The following MCM6 variants were observed in gnomAD, a reference collection of about 807,000 sequenced individuals.
MCM6 encodes DNA replication licensing factor MCM6.
MCM6 carries 46 observed loss-of-function variants against 94.3 expected under a neutral mutation model. The observed-to-expected ratio is 0.49, with a 90% CI of 0.39 to 0.62. The LOEUF is 0.62. Ranked by LOEUF, MCM6 falls within the 20% of genes least tolerant of loss-of-function variation. The pLI, the probability that MCM6 is intolerant of heterozygous loss-of-function variation, is 0.00. For synonymous variants in MCM6, 335 were observed against 351.9 expected (o/e 0.95, Z 0.54); for missense variants, 865 against 1,017.9 (o/e 0.85, Z 2.04).
At chr2:135,859,546 G>C in intron 8 of MCM6, 104 bp from the exon 9 acceptor site, 1 of 722,292 alleles carries the variant, frequency 1.4e-6, no homozygotes, top group Non-Finnish European at 2.2e-6. Context: ...ACATTTGAGA[G>C]CTTAAGCAAT....
At chr2:135,857,834 T>C in intron 10 of MCM6, 63 bp downstream of exon 10, 1 of 1,357,210 alleles carries the variant, frequency 7.4e-7, no homozygotes, top group Non-Finnish European at 1.1e-6. Flanking sequence ...TGAACTTCTC[T>C]AGTACTACAT....
At position 135,852,934 on chromosome 2, in the gene MCM6, A is replaced by T. The variant is rs767265352; in HGVS notation, c.1627-19T>A. 1 of 1,578,622 alleles carries T rather than the reference A, an allele frequency of 6.3e-7. No homozygotes were observed. The highest frequency in any genetic ancestry group is 1.4e-5 in the African/African-American group (1 of 72,732). Reference sequence around the variant, plus strand: ...CTGTAACCTAATTCAAAACAAAAAAATCACTTTGATAGTCACAGCAATATC... The same window carrying T: ...CTGTAACCTAATTCAAAACAAAAAATTCACTTTGATAGTCACAGCAATATC... On this transcript the variant is annotated intron_variant, in intron 11 of 16. Transcript: ENST00000264156.
chr2:135,851,523 T>C lies in MCM6; in HGVS notation c.1796A>G (p.Lys599Arg), dbSNP rs764296916. The C allele has an allele frequency of 6.2e-7, 1 of 1,612,648 alleles. No individual in the cohort carries two copies. Among genetic ancestry groups the C allele is most frequent in the South Asian group, 1.1e-5 (1 of 90,882 alleles). ...AGAACCATCTCTCTGGCGGAGATGT[T>C]TATATTGCTCCACAATGAAGTCCTC... Reference protein sequence around the residue: ...ESEDFIVEQYKHLRQRDGSGV... With the variant: ...ESEDFIVEQYRHLRQRDGSGV... Residue 599 changes from lysine (K) to arginine (R), a missense_variant, in exon 13 of 17, where the codon AAA (lysine) becomes AGA (arginine). Physicochemically the swap from Lys to Arg is conservative, Grantham distance 26. Coordinates refer to ENST00000264156, the MANE Select transcript of MCM6 (RefSeq NM_005915.6).
chr2:135,848,871 T>G (rs1679716566), intron 13 of MCM6, among the ~76,000 whole-genome samples: 1 of 151,456 alleles, frequency 6.6e-6, no homozygotes, highest in Non-Finnish European at 1.5e-5. Flanking sequence ...GGCGACAGAG[T>G]GAGACTCCAT....
chr2:135,846,429 T>A, intron 14 of MCM6, 37 bp from the exon 15 acceptor site: 2 of 1,593,034 alleles, frequency 1.3e-6, no homozygotes, highest in South Asian at 2.2e-5. Context: ...CTTATTTTTG[T>A]GCCCTTAACA....
chr2:135,856,685 G>GGAGT, intron 11 of MCM6, 43 bp downstream of exon 11: 1 of 1,598,058 alleles, frequency 6.3e-7, no homozygotes, highest in South Asian at 1.1e-5. Flanking sequence ...TGTCTCACTC[G>GGAGT]ATTACTCCAA....
At chr2:135,844,805 A>G in intron 15 of MCM6, 121 bp from the exon 16 acceptor site, 1 of 1,036,504 alleles carries the variant, frequency 9.6e-7, no homozygotes, top group Non-Finnish European at 1.3e-6. Flanking sequence ...GCCGTCCGAA[A>G]GTACATCTGG....
intron 13 of MCM6, among the ~76,000 whole-genome samples, chr2:135,850,027 A>G (rs929273549): frequency 3.3e-5 from 5 of 152,206 alleles, no homozygotes; most frequent in African/African-American, 4.8e-5. Context: ...AAAATAGAAC[A>G]AAATAAAAAT....
At chr2:135,871,951 A>T (rs920739057) in intron 2 of MCM6, among the ~76,000 whole-genome samples, 1 of 152,182 alleles carries the variant, frequency 6.6e-6, no homozygotes, top group South Asian at 2.1e-4. Context: ...GCGAAAACAA[A>T]ATTAAACTTT....
In MCM6 at chr2:135,851,405, A is replaced by C; in HGVS notation, c.1914T>G (p.Asp638Glu). The change falls in exon 13 of 17, where the codon GAT becomes GAG. Residue 638 changes from aspartate to glutamate, a missense_variant. Around this residue, in one of 3 missense-constraint regions of MCM6, gnomAD observed 308 missense variants for 324.5 expected, o/e 0.95. Coordinates refer to ENST00000264156, the MANE Select transcript of MCM6 (RefSeq NM_005915.6). The part of the protein sequence containing the change: ...SEAMARMHCC[D>E]EVQPKHVKEA... ...CATATCAAAGTGACTCTGATACCTC[A>C]TCACAGCAGTGCATCCGAGCCATAG... 6.2e-7 allele frequency: 1 copy of C among 1,612,524 alleles called. No individual in the cohort carries two copies. The highest frequency in any genetic ancestry group is 8.5e-7 in the Non-Finnish European group (1 of 1,179,150).
At chr2:135,848,271 G>T in intron 13 of MCM6, 83 bp from the exon 14 acceptor site, 1 of 1,055,294 alleles carries the variant, frequency 9.5e-7, no homozygotes, top group Non-Finnish European at 1.4e-6. Context: ...ACAGTAGTAT[G>T]TATTTTGGTT....
At chr2:135,843,266 A>C (rs1209180939) in intron 16 of MCM6, among the ~76,000 whole-genome samples, 1 of 152,188 alleles carries the variant, frequency 6.6e-6, no homozygotes, top group Admixed American at 6.5e-5. Context: ...ATTAAGCACG[A>C]GATGCCTGTT....
intron 2 of MCM6, among the ~76,000 whole-genome samples, chr2:135,870,592 T>C (rs551963203): frequency 6.6e-6 from 1 of 152,350 alleles, no homozygotes; most frequent in East Asian, 1.9e-4. Flanking sequence ...CTGATTATCA[T>C]ATAGCACATA....
chr2:135,872,598 T>C lies in MCM6; in HGVS notation c.254+99A>G, dbSNP rs979082597. On this transcript the variant is annotated intron_variant, in intron 2 of 16. Transcript: ENST00000264156. ...CTCAGTGGGAAATAACTGTGAAAGCTGACCTTCTGCTACACAAGTGAACAC... is the reference window on the plus strand; with the variant it reads ...CTCAGTGGGAAATAACTGTGAAAGCCGACCTTCTGCTACACAAGTGAACAC... 27 of 1,263,894 alleles carry C rather than the reference T, an allele frequency of 2.1e-5. No homozygotes were observed. The African/African-American group carries it at 3.3e-4, about 15-fold the overall frequency. The allele number at this position is 1,263,894 out of a possible 1,614,324, so 78.3% of individuals were successfully genotyped here.
Position 135,868,975 on chromosome 2 carries a change from C to T in MCM6, c.366-115G>A, listed in dbSNP as rs530896006. 9.8e-4 allele frequency: 1,004 copies of T among 1,023,634 alleles called. 1 individual carries two copies. Among genetic ancestry groups the T allele is most frequent in the Admixed American group, 1.4e-3 (57 of 40,760 alleles). 63.4% of individuals were successfully genotyped at this position (1,023,634 alleles called of 1,614,324 possible). A position where few individuals can be genotyped will look rare whatever the true frequency, so the allele number is the denominator to read the frequency against. On this transcript the variant is annotated intron_variant, in intron 3 of 16. Coordinates refer to ENST00000264156, the MANE Select transcript of MCM6 (RefSeq NM_005915.6). ...ATGTTTAAAAAAAAAATTCAAGAGACAAGGTATTCTTTGGACTCTCCTATA... is the reference window on the plus strand; with the variant it reads ...ATGTTTAAAAAAAAAATTCAAGAGATAAGGTATTCTTTGGACTCTCCTATA...
intron 1 of MCM6, among the ~76,000 whole-genome samples, chr2:135,874,244 A>T (rs1284361926): frequency 6.6e-6 from 1 of 152,228 alleles, no homozygotes; most frequent in African/African-American, 2.4e-5. Flanking sequence ...GGGGTTGAGG[A>T]TGGAATTTGA....
chr2:135,867,368 T>C (rs1353640437), intron 4 of MCM6, among the ~76,000 whole-genome samples: 2 of 151,968 alleles, frequency 1.3e-5, no homozygotes, highest in African/African-American at 2.4e-5. Flanking sequence ...TACAGTTGTG[T>C]TCCCCCCCCC....
At chr2:135,858,144 T>C in intron 9 of MCM6, 140 bp from the exon 10 acceptor site, 3 of 728,116 alleles carry the variant, frequency 4.1e-6, no homozygotes, top group East Asian at 5.0e-5. Context: ...CAGTGAGCCA[T>C]GATTGCCACT....
In MCM6 at chr2:135,872,845, T is replaced by C; in HGVS notation, c.108-2A>G. On this transcript the variant is annotated splice_acceptor_variant, in intron 1 of 16. Transcript: ENST00000264156. LOFTEE classifies it high-confidence loss of function. ...ATTTCTCCATCGCTGCTCTGAAACCTGCAGGTACATTCGAGTCAACTAGAT... is the reference window on the plus strand; with the variant it reads ...ATTTCTCCATCGCTGCTCTGAAACCCGCAGGTACATTCGAGTCAACTAGAT... 6.2e-7 allele frequency: 1 copy of C among 1,613,956 alleles called. No homozygotes were observed.
Sources: allele counts gnomAD v4.1 joint callset (sites outside exome capture counted in the v4.1 genomes callset), GRCh38; gene constraint gnomAD v4.1.1; regional missense constraint gnomAD v4.1.1; transcripts MANE v1.5; gene names NCBI Gene and HGNC (gene_info 2026-07-23, HGNC 2026-07-21).